ZFP2: variants seen among roughly 807,000 people sequenced by gnomAD.
ZFP2 encodes zinc finger protein ZFP2.
Under a neutral mutation model 36.1 loss-of-function variants are expected in ZFP2, and 33 were observed. The ratio of observed to expected loss-of-function variants is 0.92; its 90% CI spans 0.69 to 1.22. The LOEUF is 1.22. Ranked by LOEUF, ZFP2 falls within the 50% of genes most tolerant of loss-of-function variation. The pLI is 0.00. For synonymous variants in ZFP2, 170 were observed against 178.0 expected, an observed-to-expected ratio of 0.96 and a Z score of 0.36; for missense variants, 522 against 551.4, an observed-to-expected ratio of 0.95 and a Z score of 0.53.
intron 1 of ZFP2, among the ~76,000 whole-genome samples, chr5:178,901,916 T>C (rs1758065186): frequency 6.6e-6 from 1 of 152,040 alleles, no homozygotes; most frequent in Admixed American, 6.6e-5. Context: ...GGTGGATCAC[T>C]TGAGGTCAGG....
At chr5:178,912,931 GT>G in intron 2 of ZFP2, 50 bp from the exon 3 acceptor site, 1 of 967,996 alleles carries the variant, frequency 1.0e-6, no homozygotes, top group South Asian at 4.8e-5. Context: ...GCTAGGATTG[GT>G]TTTTAGGCTC....
At position 178,932,643 on chromosome 5, in the gene ZFP2, G is replaced by A. The variant is rs189472573; in HGVS notation, c.1330G>A (p.Gly444Arg). Reference protein sequence around the residue: ...GEKPYQCNECGKAFSRSTNLT... With the variant: ...GEKPYQCNECRKAFSRSTNLT... ...GAAACCCTATCAGTGTAATGAATGCGGAAAAGCCTTCAGCCGGAGTACAAA... is the reference window on the plus strand; with the variant it reads ...GAAACCCTATCAGTGTAATGAATGCAGAAAAGCCTTCAGCCGGAGTACAAA... Residue 444 changes from glycine to arginine, a missense_variant, in exon 5 of 5, where the codon GGA becomes AGA. By Grantham distance (125) the Gly-to-Arg change is moderately radical. Coordinates refer to ENST00000361362, the MANE Select transcript of ZFP2 (RefSeq NM_030613.4). The A allele has an allele frequency of 7.7e-5, 124 of 1,613,054 alleles. No individual in the cohort carries two copies. In the Admixed American group the frequency reaches 1.8e-3, roughly 23 times the overall value.
chr5:178,915,083 A>G (rs950114640), intron 3 of ZFP2, among the ~76,000 whole-genome samples: 4 of 152,054 alleles, frequency 2.6e-5, no homozygotes, highest in African/African-American at 9.7e-5. Context: ...AACTTCACTC[A>G]TCTGTTTGGG....
At chr5:178,899,303 C>T (rs1757999772) in intron 1 of ZFP2, among the ~76,000 whole-genome samples, 1 of 152,170 alleles carries the variant, frequency 6.6e-6, no homozygotes, top group Non-Finnish European at 1.5e-5. Flanking sequence ...AAGAACGTCA[C>T]CTGGCTGATT....
chr5:178,904,014 AG>A (rs201231771), intron 1 of ZFP2, among the ~76,000 whole-genome samples: 1,674 of 151,000 alleles, frequency 0.011, 27 homozygotes, highest in African/African-American at 0.039. Context: ...GAAAAAAAAA[AG>A]AAAAGTTTTC....
rs1006431461 is a variant in ZFP2 at position 178,931,417 on chromosome 5, C to G, written c.104C>G (p.Thr35Ser). The stretch of plus-strand genomic sequence containing the variant: ...AGTCATCTGAGCCAAGTGGGAGTTA[C>G]CCATAAGGAAACCTTCACTGAGATG... ...QDSHLSQVGV[T>S]HKETFTEMRV... Residue 35 changes from threonine (T) to serine (S), a missense_variant, in exon 5 of 5, where the codon ACC becomes AGC. Transcript: ENST00000361362. The G allele has an allele frequency of 6.2e-7, 1 of 1,614,010 alleles. No homozygotes were observed.
chr5:178,911,509 C>G (rs1226250716), intron 1 of ZFP2, among the ~76,000 whole-genome samples: 1 of 152,106 alleles, frequency 6.6e-6, no homozygotes, highest in Non-Finnish European at 1.5e-5. Flanking sequence ...TATGTGAAGA[C>G]AAGGAGAAAG....
chr5:178,931,732 T>C lies in ZFP2; in HGVS notation c.419T>C (p.Ile140Thr), dbSNP rs745681386. 21 of 1,614,088 alleles carry C rather than the reference T, an allele frequency of 1.3e-5. No individual in the cohort carries two copies. The highest frequency in any genetic ancestry group is 1.6e-5 in the Non-Finnish European group (19 of 1,180,022). Reference sequence around the variant, plus strand: ...TGTAATGTATGTGGGAAACACTTCATTGAACGATCCTCCCTTACTGTACAT... The same window carrying C: ...TGTAATGTATGTGGGAAACACTTCACTGAACGATCCTCCCTTACTGTACAT... ...YKCNVCGKHF[I>T]ERSSLTVHQR... is the part of the protein sequence containing the mutation. The change falls in exon 5 of 5, where the codon ATT (isoleucine) becomes ACT (threonine). Residue 140 changes from isoleucine to threonine, a missense_variant. Coordinates refer to ENST00000361362, the MANE Select transcript of ZFP2 (RefSeq NM_030613.4).
At chr5:178,917,020 C>A (rs1183525478) in intron 4 of ZFP2, among the ~76,000 whole-genome samples, 2 of 152,108 alleles carry the variant, frequency 1.3e-5, no homozygotes, top group Admixed American at 6.5e-5. Context: ...AACTGCAAAT[C>A]CAGAAGTGCT....
rs983196543 is a variant in ZFP2 at position 178,921,954 on chromosome 5, C to G, written c.-78+5244C>G. 1.5e-5 allele frequency: 8 copies of G among 538,258 alleles called. No homozygotes were observed. The African/African-American group carries it at 1.5e-4, about 10-fold the overall frequency. 33.3% of individuals were successfully genotyped at this position (538,258 alleles called of 1,614,324 possible). A position where few individuals can be genotyped will look rare whatever the true frequency, so the allele number is the denominator to read the frequency against. The stretch of plus-strand genomic sequence containing the variant: ...TTTTAATTTGATCTTTGTCTAACTT[C>G]TTAAGGTGGAAACATAGGTCACAGA... On this transcript the variant is annotated intron_variant, in intron 4 of 4. Transcript: ENST00000361362.
chr5:178,925,152 TATATATACAC>T (rs1382599356), intron 4 of ZFP2, among the ~76,000 whole-genome samples: 2 of 117,554 alleles, frequency 1.7e-5, no homozygotes, highest in African/African-American at 2.8e-5. Context: ...CACACACACA[TATATATACAC>T]ATATATACAT....
chr5:178,914,864 A>C (rs1033480553), intron 3 of ZFP2, among the ~76,000 whole-genome samples: 1 of 152,196 alleles, frequency 6.6e-6, no homozygotes, highest in Non-Finnish European at 1.5e-5. Context: ...TTGAGGACAT[A>C]GGGAACAGCA....
intron 1 of ZFP2, among the ~76,000 whole-genome samples, chr5:178,896,407 G>A (rs1757940967): frequency 6.6e-6 from 1 of 152,196 alleles, no homozygotes; most frequent in African/African-American, 2.4e-5. Flanking sequence ...CTGCGACCGT[G>A]GAGCGAACCT....
At chr5:178,910,023 A>G in intron 1 of ZFP2, 1 of 1,450,942 alleles carries the variant, frequency 6.9e-7, no homozygotes, top group Non-Finnish European at 9.7e-7. Context: ...TTGCCGATGC[A>G]GTGACCACTG....
chr5:178,932,420 T>TA lies in ZFP2; in HGVS notation c.1108dup (p.Thr370AsnfsTer14). The TA allele has an allele frequency of 6.2e-7, 1 of 1,614,066 alleles. No individual in the cohort carries two copies. The highest frequency in any genetic ancestry group is 8.5e-7 in the Non-Finnish European group (1 of 1,180,016). On this transcript the variant is annotated frameshift_variant, in exon 5 of 5. Coordinates refer to ENST00000361362, the MANE Select transcript of ZFP2 (RefSeq NM_030613.4). LOFTEE classifies it high-confidence loss of function. ...AACATTTCACTGGACGATCATCCCT[T>TA]ACCGTGCATCAGGTCATTCACACTG...
At chr5:178,909,393 AC>A (rs1758241789) in intron 1 of ZFP2, among the ~76,000 whole-genome samples, 1 of 151,840 alleles carries the variant, frequency 6.6e-6, no homozygotes, top group Non-Finnish European at 1.5e-5. Context: ...TTTTCTTTCA[AC>A]CCCCACATCC....
chr5:178,909,156 T>C (rs1327804525), intron 1 of ZFP2, among the ~76,000 whole-genome samples: 1 of 145,518 alleles, frequency 6.9e-6, no homozygotes, highest in Non-Finnish European at 1.5e-5. Context: ...GTAAAACCCC[T>C]CGTGGCCTGG....
At chr5:178,925,756 CATT>C (rs764396998) in intron 4 of ZFP2, among the ~76,000 whole-genome samples, 5 of 149,438 alleles carry the variant, frequency 3.3e-5, no homozygotes, top group Non-Finnish European at 7.5e-5. Context: ...GTTTCATAAG[CATT>C]ATTTTCCAAG....
At chr5:178,910,132 C>T in intron 1 of ZFP2, 1 of 1,449,110 alleles carries the variant, frequency 6.9e-7, no homozygotes, top group East Asian at 2.3e-5. Flanking sequence ...GAGAACCGTG[C>T]ACAGATTCTG....
Sources: allele counts gnomAD v4.1 joint callset (sites outside exome capture counted in the v4.1 genomes callset), GRCh38; gene constraint gnomAD v4.1.1; transcripts MANE v1.5; gene names NCBI Gene and HGNC (gene_info 2026-07-23, HGNC 2026-07-21).